The following PLXNA4 variants were observed in gnomAD, a reference collection of about 807,000 sequenced individuals.
PLXNA4 encodes plexin A4, also known as plexin-A4.
In PLXNA4, 44 loss-of-function variants were observed where a neutral mutation model predicts 191.8. The observed-to-expected ratio is 0.23, with a 90% CI of 0.18 to 0.29. The LOEUF is 0.29. Among genes scored for constraint, PLXNA4 ranks in the 10% least tolerant of loss-of-function variants. The pLI, the probability that PLXNA4 is intolerant of heterozygous loss-of-function variation, is 1.00. For synonymous variants in PLXNA4, 1,082 were observed against 1,009.5 expected (o/e 1.07, Z -1.36); for missense variants, 1,800 against 2,488.8 (o/e 0.72, Z 5.89).
upstream of PLXNA4, among the ~76,000 whole-genome samples, chr7:132,580,196 T>C (rs1802376691): frequency 6.6e-6 from 1 of 152,222 alleles, no homozygotes; most frequent in Admixed American, 6.5e-5. Flanking sequence ...AATGTATCTT[T>C]TTATTTTTTT....
At chr7:132,430,045 G>T (rs1365239574) in intron 3 of PLXNA4, among the ~76,000 whole-genome samples, 1 of 152,102 alleles carries the variant, frequency 6.6e-6, no homozygotes, top group Non-Finnish European at 1.5e-5. Flanking sequence ...CTATGCAGAG[G>T]GTATTTGTGG....
Position 132,359,315 on chromosome 7 carries a change from G to A in PLXNA4, c.1372-61093C>T, listed in dbSNP as rs6956887. On this transcript the variant is annotated intron_variant, in intron 3 of 31. Transcript: ENST00000321063. ...CAGCTCACTGCAACCCGTACCTTCA[G>A]AGTCAAGCAGTTCTCCTGCCTCAGC... 6.7e-3 allele frequency among the ~76,000 whole-genome samples: 1,005 copies of A among 149,162 alleles called. 18 individuals are homozygous for A. The highest frequency in any genetic ancestry group is 0.024 in the African/African-American group (963 of 40,588).
intron 1 of PLXNA4, among the ~76,000 whole-genome samples, chr7:132,564,969 T>A (rs932827883): frequency 2.7e-5 from 4 of 150,592 alleles, no homozygotes; most frequent in African/African-American, 9.9e-5. Flanking sequence ...CGACCTGCCA[T>A]CCCTGCTGCA....
intron 2 of PLXNA4, among the ~76,000 whole-genome samples, chr7:132,633,282 A>ATTTTTTTTTT (rs10706159): frequency 7.4e-6 from 1 of 134,326 alleles, no homozygotes; most frequent in African/African-American, 2.7e-5. Context: ...TGAGGTTCTC[A>ATTTTTTTTTT]TTTTTTTTTT....
intron 3 of PLXNA4, among the ~76,000 whole-genome samples, chr7:132,392,207 C>G (rs182046060): frequency 5.6e-4 from 85 of 152,226 alleles, no homozygotes; most frequent in African/African-American, 2.0e-3. Flanking sequence ...TTCTGTCCTA[C>G]TAGAACATAA....
chr7:132,509,065 C>A (rs1798605492), intron 1 of PLXNA4, among the ~76,000 whole-genome samples: 2 of 151,448 alleles, frequency 1.3e-5, no homozygotes, highest in South Asian at 4.2e-4. Context: ...CCATTATCTA[C>A]TGAGTGCCTG....
chr7:132,338,809 C>G (rs961191766), intron 3 of PLXNA4, among the ~76,000 whole-genome samples: 1 of 152,138 alleles, frequency 6.6e-6, no homozygotes, highest in African/African-American at 2.4e-5. Flanking sequence ...CCCCAACCAC[C>G]CACTTCCCTC....
chr7:132,486,572 G>A (rs914016311), intron 3 of PLXNA4, among the ~76,000 whole-genome samples: 9 of 152,302 alleles, frequency 5.9e-5, no homozygotes, highest in African/African-American at 1.9e-4. Flanking sequence ...AAGTTTGGCC[G>A]CCCCAGTGGC....
chr7:132,217,833 A>C (rs1325573133), intron 9 of PLXNA4, among the ~76,000 whole-genome samples: 2 of 148,178 alleles, frequency 1.3e-5, no homozygotes, highest in African/African-American at 2.5e-5. Context: ...ATGGCAACCC[A>C]GTAATTGAAT....
chr7:132,263,293 G>A (rs1799721952), intron 4 of PLXNA4, among the ~76,000 whole-genome samples: 1 of 152,156 alleles, frequency 6.6e-6, no homozygotes, highest in Non-Finnish European at 1.5e-5. Flanking sequence ...AATGTGTTCT[G>A]GCCATGCCAT....
At chr7:132,364,331 G>A (rs867198536) in intron 3 of PLXNA4, among the ~76,000 whole-genome samples, 2 of 152,184 alleles carry the variant, frequency 1.3e-5, no homozygotes, top group Admixed American at 6.5e-5. Flanking sequence ...AGAAAGAAAC[G>A]CATTGCCTTT....
intron 1 of PLXNA4, among the ~76,000 whole-genome samples, chr7:132,564,212 TCTC>T (rs1345065681): frequency 2.7e-5 from 3 of 112,584 alleles, no homozygotes; most frequent in Admixed American, 9.4e-5. Flanking sequence ...TCCTCCTCCT[TCTC>T]CTTTCTCCTC....
At chr7:132,498,419 C>CA (rs757054177) in intron 2 of PLXNA4, among the ~76,000 whole-genome samples, 24 of 151,962 alleles carry the variant, frequency 1.6e-4, no homozygotes, top group Non-Finnish European at 2.6e-4. Context: ...TGGCAGCAGG[C>CA]AAAAAGAGAG....
At chr7:132,461,032 T>C (rs1385305168) in intron 3 of PLXNA4, among the ~76,000 whole-genome samples, 1 of 151,946 alleles carries the variant, frequency 6.6e-6, no homozygotes. Flanking sequence ...AGAAAGAAAA[T>C]GTCTGGGAAA....
intron 10 of PLXNA4, 50 bp from the exon 11 acceptor site, chr7:132,203,469 T>C (rs963074274): frequency 7.2e-6 from 11 of 1,523,006 alleles, no homozygotes; most frequent in African/African-American, 1.4e-5. Context: ...TCACAGAGAG[T>C]TCTAGAGAGG....
intron 3 of PLXNA4, among the ~76,000 whole-genome samples, chr7:132,311,283 G>A (rs1245700945): frequency 6.6e-6 from 1 of 151,828 alleles, no homozygotes; most frequent in Non-Finnish European, 1.5e-5. Context: ...GAGAATCTCA[G>A]AACTCTCCCC....
At chr7:132,512,766 A>G (rs951011568) in intron 1 of PLXNA4, among the ~76,000 whole-genome samples, 1 of 152,192 alleles carries the variant, frequency 6.6e-6, no homozygotes. Context: ...AAGAGTTTCC[A>G]GGGGGGTTTC....
In PLXNA4 at chr7:132,605,842, T is replaced by C. The variant is rs79239162; in HGVS notation, c.-87+40086A>G. ...AGAGAGACCCACAGGAAGAACATCA[T>C]GTGAAAATAGAGGCAGAGACTGGAG... On this transcript the variant is annotated intron_variant, in intron 2 of 4. Transcript: ENST00000378539. Among the ~76,000 whole-genome samples the C allele has an allele frequency of 7.4e-3, 1,121 of 152,098 alleles. 15 individuals are homozygous for C. The highest frequency in any genetic ancestry group is 0.026 in the African/African-American group (1,080 of 41,478).
At chr7:132,362,177 A>C (rs1803971185) in intron 3 of PLXNA4, among the ~76,000 whole-genome samples, 1 of 152,328 alleles carries the variant, frequency 6.6e-6, no homozygotes, top group South Asian at 2.1e-4. Flanking sequence ...AGTAAGGCCA[A>C]GATGGGAAGA....
Sources: allele counts gnomAD v4.1 joint callset (sites outside exome capture counted in the v4.1 genomes callset), GRCh38; gene constraint gnomAD v4.1.1; transcripts MANE v1.5; gene names NCBI Gene and HGNC (gene_info 2026-07-23, HGNC 2026-07-21).